The following ACTN1 variants were observed in gnomAD, a reference collection of about 807,000 sequenced individuals.
The protein encoded by ACTN1 is alpha-actinin-1.
ACTN1 carries 30 observed loss-of-function variants against 119.6 expected under a neutral mutation model. The ratio of observed to expected loss-of-function variants is 0.25; its 90% CI spans 0.19 to 0.34. The LOEUF is 0.34. Among genes scored for constraint, ACTN1 ranks in the 10% least tolerant of loss-of-function variants. The pLI is 1.00. For synonymous variants in ACTN1, 429 were observed against 472.6 expected (o/e 0.91, Z 1.20); for missense variants, 764 against 1,223.4 (o/e 0.62, Z 5.60).
rs373142864 is a variant in ACTN1, at chr14:68,942,995, C to T, written c.106-17323G>A. 1.7e-4 allele frequency among the ~76,000 whole-genome samples: 26 copies of T among 152,272 alleles called. 1 individual carries two copies. The East Asian group carries it at 4.6e-3, about 27-fold the overall frequency. ...CCTCAATTCTCTTCACCTGAGGTTC[C>T]GCAACACAAAGTTTCTTCTCCCAAA... On this transcript the variant is annotated intron_variant, in intron 1 of 21. Coordinates refer to ENST00000394419, the MANE Select transcript of ACTN1 (RefSeq NM_001130004.2).
chr14:68,974,208 G>C lies in ACTN1; in HGVS notation c.105+4744C>G, dbSNP rs10137547. 3.9e-5 allele frequency: 6 copies of C among 152,574 alleles called. 1 individual carries two copies. In the East Asian group the frequency reaches 1.2e-3, roughly 29 times the overall value. The allele number at this position is 152,574 out of a possible 1,614,324, so 9.5% of individuals were successfully genotyped here. On this transcript the variant is annotated intron_variant, in intron 1 of 21. Transcript: ENST00000394419. ...AGAGAGGTGTGGACTTGAGAATCTG[G>C]TCTGTGACCTGTCCAGATGGCCTGG...
chr14:68,899,051 ACAC>A (rs2033095207), intron 8 of ACTN1, among the ~76,000 whole-genome samples: 1 of 128,854 alleles, frequency 7.8e-6, no homozygotes, highest in Non-Finnish European at 1.6e-5. Flanking sequence ...GCCACACCTC[ACAC>A]CACACACACC....
chr14:68,950,956 C>A (rs1452943233), intron 1 of ACTN1, among the ~76,000 whole-genome samples: 1 of 152,164 alleles, frequency 6.6e-6, no homozygotes, highest in Non-Finnish European at 1.5e-5. Context: ...GTGTTTAAGA[C>A]CTCCAGTTAG....
intron 3 of ACTN1, among the ~76,000 whole-genome samples, chr14:68,917,777 AC>A (rs2034389010): frequency 6.6e-6 from 1 of 152,190 alleles, no homozygotes; most frequent in Admixed American, 6.5e-5. Context: ...CTTTAAAGGA[AC>A]TTTTCGTCGG....
chr14:68,883,035 C>T lies in ACTN1; in HGVS notation c.1656G>A (p.Glu552=). 6.2e-7 allele frequency: 1 copy of T among 1,614,160 alleles called. No homozygotes were observed. Among genetic ancestry groups the T allele is most frequent in the African/African-American group, 1.3e-5 (1 of 75,042 alleles). Residue 552 remains glutamate, a synonymous_variant, in exon 15 of 22, where the codon GAG becomes GAA. Transcript: ENST00000394419. The part of the protein sequence containing the change: ...EEIQGLTTAH[E]QFKATLPDAD... ...CATCAGGGAGGGTGGCCTTGAACTG[C>T]TCATGGGCTGTGGTCAGTCCCTGGA...
intron 6 of ACTN1, among the ~76,000 whole-genome samples, chr14:68,907,916 TG>T (rs1399332070): frequency 6.6e-6 from 1 of 152,106 alleles, no homozygotes; most frequent in African/African-American, 2.4e-5. Flanking sequence ...GAAGTGGTGA[TG>T]CCTTCAAAAG....
At chr14:68,951,159 G>T (rs868279245) in intron 1 of ACTN1, among the ~76,000 whole-genome samples, 5 of 152,148 alleles carry the variant, frequency 3.3e-5, no homozygotes. Flanking sequence ...CAGAGGCAAC[G>T]GGGTGACGGG....
Position 68,884,288 on chromosome 14 carries a change from C to G in ACTN1, c.1515G>C (p.Glu505Asp). 1 of 1,614,074 alleles carries G rather than the reference C, an allele frequency of 6.2e-7. No individual in the cohort carries two copies. The highest frequency in any genetic ancestry group is 8.5e-7 in the Non-Finnish European group (1 of 1,179,936). ...ACTCCAAGTACAGCTGGTCAATGGT[C>G]TCCAGCAGTTTCTCGGTCCGCTGGG... ...EALERTEKLL[E>D]TIDQLYLEYA... Residue 505 changes from glutamate to aspartate, a missense_variant, in exon 14 of 22, where the codon GAG (glutamate) becomes GAC (aspartate). Glu to Asp is a conservative substitution (Grantham distance 45, BLOSUM62 2). Transcript: ENST00000394419.
intron 3 of ACTN1, among the ~76,000 whole-genome samples, chr14:68,916,284 C>A (rs114174170): frequency 0.018 from 2,790 of 152,300 alleles, 86 homozygotes; most frequent in African/African-American, 0.063. Flanking sequence ...AACTCCAGGG[C>A]CTCCCGCTGG....
rs772060427 is a variant in ACTN1 at position 68,909,410 on chromosome 14, GAGA to G, written c.516-17_516-15del. 9 of 1,613,616 alleles carry G rather than the reference GAGA, an allele frequency of 5.6e-6. No homozygotes were observed. Among genetic ancestry groups the G allele is most frequent in the South Asian group, 2.2e-5 (2 of 91,068 alleles). Reference sequence around the variant, plus strand: ...CCATCCTTCCAGCTGCCCGGGGAGAGAGAAGAAGGAGCAGGCTGGTAAATGAGG... The same window carrying G: ...CCATCCTTCCAGCTGCCCGGGGAGAGAGAAGGAGCAGGCTGGTAAATGAGG... On this transcript the variant is annotated splice_polypyrimidine_tract_variant and intron_variant, in intron 5 of 21. Transcript: ENST00000394419. This position sits in a 1 kb window ranked among gnomAD's most constrained non-coding sequence, Gnocchi z 4.1.
chr14:68,977,842 G>T (rs2037116800), intron 1 of ACTN1: 1 of 422,102 alleles, frequency 2.4e-6, no homozygotes, highest in South Asian at 1.7e-5. Context: ...CAGCCTGGGG[G>T]TGGGGAGGGT....
At chr14:68,914,735 C>T (rs1311325054) in intron 3 of ACTN1, among the ~76,000 whole-genome samples, 1 of 152,154 alleles carries the variant, frequency 6.6e-6, no homozygotes, top group African/African-American at 2.4e-5. Flanking sequence ...ATCACCGCTG[C>T]ACTCCAACCT....
At position 68,879,800 on chromosome 14, in the gene ACTN1, G is replaced by T; in HGVS notation, c.2280+162C>A. ...GGGGCACCAACACAGGTTTTCCAAG[G>T]CTGGTTTTGCAGGGTGCATTGAGTC... On this transcript the variant is annotated intron_variant, in intron 18 of 21. Transcript: ENST00000394419. The surrounding 1 kb of genome is among the most constrained non-coding windows in gnomAD (Gnocchi z 4.9). 1.0e-6 allele frequency: 1 copy of T among 972,212 alleles called. No individual in the cohort carries two copies. The highest frequency in any genetic ancestry group is 1.5e-6 in the Non-Finnish European group (1 of 672,788). 60.2% of individuals were successfully genotyped at this position (972,212 alleles called of 1,614,324 possible).
At chr14:68,911,789 G>C (rs951766161) in intron 4 of ACTN1, among the ~76,000 whole-genome samples, 2 of 152,182 alleles carry the variant, frequency 1.3e-5, no homozygotes, top group African/African-American at 4.8e-5. Flanking sequence ...AGGGTGCTAG[G>C]GGAGCAAAGT....
At chr14:68,912,327 C>T in intron 3 of ACTN1, 85 bp from the exon 4 acceptor site, 2 of 1,051,704 alleles carry the variant, frequency 1.9e-6, no homozygotes, top group Non-Finnish European at 1.5e-6. Context: ...GCACTCCATG[C>T]CCCACGCTAG....
In ACTN1 at chr14:68,874,962, T is replaced by C. The variant is rs750327189; in HGVS notation, c.2642A>G (p.Tyr881Cys). The stretch of plus-strand genomic sequence containing the variant: ...GTAGGGGGCCATCCGCGCGATGCAG[T>C]ACTCAGCCTGGTCGGGTGGCAGCTC... ...RRELPPDQAE[Y>C]CIARMAPYTG... is the part of the protein sequence containing the mutation. Residue 881 changes from tyrosine (Y) to cysteine (C), a missense_variant, in exon 22 of 22, where the codon TAC (tyrosine) becomes TGC (cysteine). Physicochemically the swap from Tyr to Cys is radical, Grantham distance 194. This residue lies in a region of ACTN1 where 102 missense variants were observed against 78.2 expected (regional missense o/e 1.30). Transcript: ENST00000394419. 5 of 1,613,846 alleles carry C rather than the reference T, an allele frequency of 3.1e-6. No homozygotes were observed. In the South Asian group the frequency reaches 3.3e-5, roughly 11 times the overall value.
chr14:68,896,975 T>C (rs903625322), intron 8 of ACTN1, among the ~76,000 whole-genome samples: 2 of 152,074 alleles, frequency 1.3e-5, no homozygotes, highest in Non-Finnish European at 2.9e-5. Context: ...ATTTTCATGG[T>C]TGTTTTGTTT....
chr14:68,888,816 T>C (rs1401335737), intron 11 of ACTN1, among the ~76,000 whole-genome samples: 1 of 152,178 alleles, frequency 6.6e-6, no homozygotes, highest in African/African-American at 2.4e-5. Flanking sequence ...ATCTAATGCC[T>C]GATGATCTGA....
intron 3 of ACTN1, among the ~76,000 whole-genome samples, chr14:68,920,450 T>C (rs929876258): frequency 9.2e-5 from 14 of 152,200 alleles, no homozygotes; most frequent in Non-Finnish European, 2.9e-5. Flanking sequence ...ACACAAGAAA[T>C]TACACTACCT....
Sources: allele counts gnomAD v4.1 joint callset (sites outside exome capture counted in the v4.1 genomes callset), GRCh38; gene constraint gnomAD v4.1.1; regional missense constraint gnomAD v4.1.1; non-coding constraint Gnocchi (gnomAD v3.1); transcripts MANE v1.5; gene names NCBI Gene and HGNC (gene_info 2026-07-23, HGNC 2026-07-21).